Variants in TRIM42 observed in about 807,000 individuals in gnomAD.
TRIM42 encodes the protein tripartite motif containing 42, also known as tripartite motif-containing protein 42.
A neutral mutation model predicts 64.9 loss-of-function variants in TRIM42; 59 were observed. That is an observed-to-expected ratio of 0.91 (90% CI 0.74 to 1.13). The LOEUF (loss-of-function observed/expected upper bound fraction) is 1.13, where lower values mean the gene tolerates loss of function less well. Among genes scored for constraint, TRIM42 ranks in the 50% most tolerant of loss-of-function variants. The pLI, the probability that TRIM42 is intolerant of heterozygous loss-of-function variation, is 0.00. For missense variants in TRIM42, 878 were observed against 929.5 expected (o/e 0.94, Z 0.72); for synonymous variants, 354 against 346.3 (o/e 1.02, Z -0.25).
chr3:140,687,098 T>G (rs1988562972), intron 2 of TRIM42, among the ~76,000 whole-genome samples: 1 of 151,898 alleles, frequency 6.6e-6, no homozygotes, highest in Non-Finnish European at 1.5e-5. Context: ...TTCCTTGAAG[T>G]GTGACAGCAG....
chr3:140,694,618 G>T (rs1988803361), intron 4 of TRIM42, among the ~76,000 whole-genome samples: 1 of 152,106 alleles, frequency 6.6e-6, no homozygotes, highest in Non-Finnish European at 1.5e-5. Context: ...TATTGTTGTT[G>T]TAACAAATTA....
At position 140,682,619 on chromosome 3, in the gene TRIM42, G is replaced by A. The variant is rs754221344; in HGVS notation, c.499G>A (p.Glu167Lys). ...FMLPCNHSLCEKCLRQLQKHA... is the reference protein window; with the variant it reads ...FMLPCNHSLCKKCLRQLQKHA... ...GCTGCCCTGCAACCACAGCCTGTGC[G>A]AGAAGTGCCTGCGGCAGCTGCAGAA... is the stretch of plus-strand genomic sequence containing the variant. Residue 167 changes from glutamate (E) to lysine (K), a missense_variant, in exon 2 of 5, where the codon GAG becomes AAG. Transcript: ENST00000286349. The A allele has an allele frequency of 1.9e-5, 30 of 1,614,144 alleles. No individual in the cohort carries two copies. In the South Asian group the frequency reaches 2.6e-4, roughly 14 times the overall value.
intron 4 of TRIM42, among the ~76,000 whole-genome samples, chr3:140,693,972 G>A (rs1416129002): frequency 6.6e-6 from 1 of 152,166 alleles, no homozygotes; most frequent in Non-Finnish European, 1.5e-5. Flanking sequence ...AGAAAAATGA[G>A]GCTGTAAGAA....
chr3:140,688,321 A>T lies in TRIM42; in HGVS notation c.1639A>T (p.Lys547Ter). The part of the protein sequence containing the change: ...SSMLSFSNTD[K>*]KAKVGLEACG... ...CATGTTGTCCTTCAGCAACACTGAC[A>T]AGAAGGCCAAGGTGGGTCTGGAGGC... The change falls in exon 3 of 5, where the codon AAG (lysine) becomes TAG (stop). Residue 547 changes from lysine to a stop codon, truncating the protein, a stop_gained. Coordinates refer to ENST00000286349, the MANE Select transcript of TRIM42 (RefSeq NM_152616.5). LOFTEE classifies it high-confidence loss of function. The T allele has an allele frequency of 6.2e-7, 1 of 1,614,208 alleles. No homozygotes were observed. Among genetic ancestry groups the T allele is most frequent in the Non-Finnish European group, 8.5e-7 (1 of 1,180,032 alleles).
At chr3:140,688,700 G>A (rs960981433) in intron 3 of TRIM42, among the ~76,000 whole-genome samples, 158 bp downstream of exon 3, 6 of 152,184 alleles carry the variant, frequency 3.9e-5, no homozygotes, top group African/African-American at 1.2e-4. Context: ...ATTCAAAAGG[G>A]ATAAGCTCCT....
chr3:140,686,747 C>A (rs760590432), intron 2 of TRIM42, among the ~76,000 whole-genome samples: 2 of 152,156 alleles, frequency 1.3e-5, no homozygotes, highest in Non-Finnish European at 2.9e-5. Flanking sequence ...ATGAGAAGAA[C>A]CTTACCCGTA....
chr3:140,692,278 C>A (rs1014891656), intron 4 of TRIM42, among the ~76,000 whole-genome samples: 1 of 152,052 alleles, frequency 6.6e-6, no homozygotes, highest in African/African-American at 2.4e-5. Context: ...TGGCCCAACC[C>A]CTGTGTGACC....
chr3:140,688,772 G>A (rs1233489274), intron 3 of TRIM42, among the ~76,000 whole-genome samples: 1 of 152,216 alleles, frequency 6.6e-6, no homozygotes, highest in African/African-American at 2.4e-5. Context: ...ACTCATAATC[G>A]TAAATATATC....
At chr3:140,691,794 C>G (rs1576420260) in intron 4 of TRIM42, among the ~76,000 whole-genome samples, 1 of 152,276 alleles carries the variant, frequency 6.6e-6, no homozygotes, top group East Asian at 1.9e-4. Flanking sequence ...TGATCCAAGA[C>G]TTACTCTTCT....
Position 140,682,669 on chromosome 3 carries a change from C to T in TRIM42, c.549C>T (p.Phe183=), listed in dbSNP as rs1296055322. ...AGCACGCCGAGGTCACCGAGAACTT[C>T]TTCATCCTCATCTGCCCAGTGTGCG... ...LQKHAEVTEN[F]FILICPVCDR... The change falls in exon 2 of 5, where the codon TTC becomes TTT. Residue 183 remains phenylalanine, a synonymous_variant. Coordinates refer to ENST00000286349, the MANE Select transcript of TRIM42 (RefSeq NM_152616.5). 1 of 1,613,274 alleles carries T rather than the reference C, an allele frequency of 6.2e-7. No homozygotes were observed. The highest frequency in any genetic ancestry group is 1.1e-5 in the South Asian group (1 of 91,072).
chr3:140,698,785 T>G (rs1988921045), intron 4 of TRIM42, among the ~76,000 whole-genome samples: 1 of 152,136 alleles, frequency 6.6e-6, no homozygotes, highest in Admixed American at 6.5e-5. Context: ...TATTTCTGCT[T>G]GTTTTCCCAG....
At position 140,682,650 on chromosome 3, in the gene TRIM42, C is replaced by T. The variant is rs1410061100; in HGVS notation, c.530C>T (p.Ala177Val). Residue 177 changes from alanine to valine, a missense_variant, in exon 2 of 5, where the codon GCC (alanine) becomes GTC (valine). Ala to Val is a moderately conservative substitution (Grantham distance 64). Coordinates refer to ENST00000286349, the MANE Select transcript of TRIM42 (RefSeq NM_152616.5). ...TGCCTGCGGCAGCTGCAGAAGCACG[C>T]CGAGGTCACCGAGAACTTCTTCATC... Reference protein sequence around the residue: ...EKCLRQLQKHAEVTENFFILI... With the variant: ...EKCLRQLQKHVEVTENFFILI... 3.7e-6 allele frequency: 6 copies of T among 1,613,468 alleles called. No individual in the cohort carries two copies. In the Admixed American group the frequency reaches 8.3e-5, roughly 22 times the overall value.
rs771431336 is a variant in TRIM42, at chr3:140,687,885, A to G, written c.1203A>G (p.Leu401=). 1.2e-6 allele frequency: 2 copies of G among 1,614,226 alleles called. No homozygotes were observed. Among genetic ancestry groups the G allele is most frequent in the East Asian group, 2.2e-5 (1 of 44,884 alleles). ...EKIIMEQIEN[L]EVSRQKEIEK... is the part of the protein sequence containing the mutation. Reference sequence around the variant, plus strand: ...TCATCATGGAGCAGATAGAGAATCTAGAAGTGTCCAGGCAGAAGGAAATTG... The same window carrying G: ...TCATCATGGAGCAGATAGAGAATCTGGAAGTGTCCAGGCAGAAGGAAATTG... The change falls in exon 3 of 5, where the codon CTA becomes CTG. Residue 401 remains leucine, a synonymous_variant. Transcript: ENST00000286349.
At chr3:140,695,924 C>T (rs1189897922) in intron 4 of TRIM42, among the ~76,000 whole-genome samples, 1 of 152,194 alleles carries the variant, frequency 6.6e-6, no homozygotes, top group East Asian at 1.9e-4. Flanking sequence ...TTCTTTATCT[C>T]CTTAGGATTT....
At chr3:140,681,859 A>G (rs1016843362) in intron 1 of TRIM42, among the ~76,000 whole-genome samples, 4 of 127,022 alleles carry the variant, frequency 3.1e-5, no homozygotes, top group African/African-American at 1.4e-4. Context: ...GAGTGACCCA[A>G]AAGTTGTTAA....
chr3:140,688,178 CCTCAGGGGA>C lies in TRIM42; in HGVS notation c.1500_1508del (p.Gly501_Ser503del). 1 of 1,614,180 alleles carries C rather than the reference CCTCAGGGGA, an allele frequency of 6.2e-7. No homozygotes were observed. Among genetic ancestry groups the C allele is most frequent in the Non-Finnish European group, 8.5e-7 (1 of 1,180,034 alleles). ...CCCACAGGGCCCAAGAAGGTACGCT[CCTCAGGGGA>C]CTCCCTGCCCTCCCCCTACCCCGTG... is the stretch of plus-strand genomic sequence containing the variant. On this transcript the variant is annotated inframe_deletion, in exon 3 of 5. Coordinates refer to ENST00000286349, the MANE Select transcript of TRIM42 (RefSeq NM_152616.5).
chr3:140,695,068 AAT>A (rs1400532937), intron 4 of TRIM42, among the ~76,000 whole-genome samples: 1 of 151,912 alleles, frequency 6.6e-6, no homozygotes, highest in Non-Finnish European at 1.5e-5. Context: ...AACATGGCAA[AAT>A]CCTGTCTCTA....
chr3:140,679,064 T>A (rs1039916376), intron 1 of TRIM42, among the ~76,000 whole-genome samples: 11 of 144,116 alleles, frequency 7.6e-5, no homozygotes, highest in African/African-American at 2.7e-4. Context: ...ACCCCCCCCA[T>A]GATATTGTAG....
intron 3 of TRIM42, among the ~76,000 whole-genome samples, chr3:140,689,949 C>T (rs1988663463): frequency 6.6e-6 from 1 of 151,966 alleles, no homozygotes; most frequent in African/African-American, 2.4e-5. Flanking sequence ...GGAAAATAGT[C>T]ACCCCATGCC....
Sources: allele counts gnomAD v4.1 joint callset (sites outside exome capture counted in the v4.1 genomes callset), GRCh38; gene constraint gnomAD v4.1.1; transcripts MANE v1.5; gene names NCBI Gene and HGNC (gene_info 2026-07-23, HGNC 2026-07-21).